RNF126: variants seen among roughly 807,000 people sequenced by gnomAD.
RNF126 encodes E3 ubiquitin-protein ligase RNF126.
Under a neutral mutation model 41.9 loss-of-function variants are expected in RNF126, and 20 were observed. That is an observed-to-expected ratio of 0.48 (90% confidence interval 0.34 to 0.69). The LOEUF (loss-of-function observed/expected upper bound fraction) is 0.69. RNF126 is among the 30% of genes least tolerant of loss of function. The probability of loss-of-function intolerance (pLI) is 0.01; values close to 1 mark genes in which losing one functional copy is unlikely to be tolerated. For missense variants in RNF126, 433 were observed against 460.6 expected, an observed-to-expected ratio of 0.94 and a Z score of 0.55; for synonymous variants, 239 against 202.9, an observed-to-expected ratio of 1.18 and a Z score of -1.51.
intron 1 of RNF126, among the ~76,000 whole-genome samples, chr19:654,140 C>G (rs1343096836): frequency 6.6e-6 from 1 of 152,260 alleles, no homozygotes; most frequent in East Asian, 1.9e-4. Context: ...CACGCCGTGC[C>G]TGCCTCACCT....
Position 648,115 on chromosome 19 carries a change from G to T in RNF126, c.*13C>A. Reference sequence around the variant, plus strand: ...GGGAAAGGCCCCGTGCTTTCCCGACGGCCGACGTGGGCTCACGAGTTGCTT... The same window carrying T: ...GGGAAAGGCCCCGTGCTTTCCCGACTGCCGACGTGGGCTCACGAGTTGCTT... On this transcript the variant is annotated 3_prime_UTR_variant, in exon 9 of 9. Transcript: ENST00000292363. The T allele has an allele frequency of 1.3e-6, 2 of 1,558,072 alleles. No individual in the cohort carries two copies. The highest frequency in any genetic ancestry group is 8.7e-7 in the Non-Finnish European group (1 of 1,147,308).
chr19:652,942 C>T, intron 1 of RNF126, 58 bp from the exon 2 acceptor site: 2 of 1,533,374 alleles, frequency 1.3e-6, no homozygotes, highest in African/African-American at 1.4e-5. Flanking sequence ...TGCAAACCCC[C>T]CCAAGTGTGA....
chr19:659,113 G>A lies in RNF126; in HGVS notation c.75+3934C>T, dbSNP rs1261893424. On this transcript the variant is annotated intron_variant, in intron 1 of 8. Transcript: ENST00000292363. This position sits in a 1 kb window ranked among gnomAD's most constrained non-coding sequence, Gnocchi z 4.9. ...TGTGCAGAGCCGCTCCAGGGTGCTG[G>A]CCGGACGCTTGAGAGGCAGGGGCAG... is the stretch of plus-strand genomic sequence containing the variant. Among the ~76,000 whole-genome samples the A allele has an allele frequency of 1.3e-5, 2 of 152,200 alleles. No homozygotes were observed. Among genetic ancestry groups the A allele is most frequent in the Non-Finnish European group, 2.9e-5 (2 of 68,030 alleles).
rs762825104 is a variant in RNF126 at position 649,671 on chromosome 19, C to G, written c.576+8G>C. 6.4e-7 allele frequency: 1 copy of G among 1,558,992 alleles called. No homozygotes were observed. The highest frequency in any genetic ancestry group is 8.7e-7 in the Non-Finnish European group (1 of 1,150,454). The stretch of plus-strand genomic sequence containing the variant: ...CAGCAGGCACTCTGGGCCGTGGCCA[C>G]GCTGTACCTGTGTGATGATGGCATC... On this transcript the variant is annotated splice_region_variant and intron_variant, in intron 6 of 8. Transcript: ENST00000292363.
chr19:658,166 TA>T (rs1269408512), intron 1 of RNF126, among the ~76,000 whole-genome samples: 1 of 151,836 alleles, frequency 6.6e-6, no homozygotes, highest in Non-Finnish European at 1.5e-5. Flanking sequence ...GCAGCCAGGG[TA>T]GGGGGGACCC....
At chr19:657,480 G>A (rs894053662) in intron 1 of RNF126, among the ~76,000 whole-genome samples, 3 of 152,212 alleles carry the variant, frequency 2.0e-5, no homozygotes, top group African/African-American at 4.8e-5. Flanking sequence ...CGCAGCGGCC[G>A]TGGGGCCTGG....
Position 663,067 on chromosome 19 carries a change from C to A in RNF126, c.55G>T (p.Glu19Ter). The change falls in exon 1 of 9, where the codon GAG (glutamate) becomes TAG (stop). Residue 19 changes from glutamate to a stop codon, truncating the protein, a stop_gained. Transcript: ENST00000292363. LOFTEE classifies it high-confidence loss of function. ...GRYFCHCCSV[E>*]IVPRLPDYIC... The stretch of plus-strand genomic sequence containing the variant: ...CTCACCGGCAGGCGCGGGACGATCT[C>A]CACGGAGCAGCAGTGGCAGAAGTAC... The A allele has an allele frequency of 7.2e-7, 1 of 1,382,468 alleles. No homozygotes were observed. Among genetic ancestry groups the A allele is most frequent in the Non-Finnish European group, 9.4e-7 (1 of 1,063,166 alleles). The allele number at this position is 1,382,468 out of a possible 1,614,324, so 85.6% of individuals were successfully genotyped here. A position where few individuals can be genotyped will look rare whatever the true frequency, so the allele number is the denominator to read the frequency against.
rs2030066612 is a variant in RNF126, at chr19:648,295, C to A, written c.787-18G>T. 6.5e-6 allele frequency: 9 copies of A among 1,384,210 alleles called. No individual in the cohort carries two copies. In the East Asian group the frequency reaches 1.1e-4, roughly 17 times the overall value. 85.7% of individuals were successfully genotyped at this position (1,384,210 alleles called of 1,614,324 possible). On this transcript the variant is annotated intron_variant, in intron 8 of 8. Transcript: ENST00000292363. The stretch of plus-strand genomic sequence containing the variant: ...CTGTCGTGCTTTGTGGGGACAGAGG[C>A]AGGGACGGGAGAAGGGGCAGGTTAG...
At chr19:658,787 T>C (rs1227994653) in intron 1 of RNF126, among the ~76,000 whole-genome samples, 3 of 152,134 alleles carry the variant, frequency 2.0e-5, no homozygotes, top group Non-Finnish European at 4.4e-5. Context: ...GAACTCTGCC[T>C]TCTTCTTCCC....
Position 648,242 on chromosome 19 carries a change from C to T in RNF126, c.822G>A (p.Thr274=), listed in dbSNP as rs199674967. 83 of 1,589,726 alleles carry T rather than the reference C, an allele frequency of 5.2e-5. No individual in the cohort carries two copies. The highest frequency in any genetic ancestry group is 1.6e-4 in the East Asian group (7 of 43,534). The change falls in exon 9 of 9, where the codon ACG becomes ACA. Residue 274 remains threonine, a synonymous_variant. Coordinates refer to ENST00000292363, the MANE Select transcript of RNF126 (RefSeq NM_194460.3). ...DSCPVCRKSL[T]GQNTATNPPG... is the part of the protein sequence containing the mutation. ...GGGGGTTCGTGGCCGTGTTCTGTCC[C>T]GTGAGGCTTTTTCGGCAGACGGGGC...
rs561866917 is a variant in RNF126 at position 652,749 on chromosome 19, G to A, written c.134+77C>T. ...CGGCCCCACACTCGGCGGGGCGGAC[G>A]CCAGCACAGCCCACACCCCTACAAC... On this transcript the variant is annotated intron_variant, in intron 2 of 8. Coordinates refer to ENST00000292363, the MANE Select transcript of RNF126 (RefSeq NM_194460.3). 708 of 1,383,516 alleles carry A rather than the reference G, an allele frequency of 5.1e-4. 1 individual carries two copies. Among genetic ancestry groups the A allele is most frequent in the Middle Eastern group, 1.1e-3 (6 of 5,582 alleles). 85.7% of individuals were successfully genotyped at this position (1,383,516 alleles called of 1,614,324 possible).
chr19:653,421 G>C (rs578111986), intron 1 of RNF126, among the ~76,000 whole-genome samples: 2 of 152,218 alleles, frequency 1.3e-5, no homozygotes, highest in Non-Finnish European at 2.9e-5. Context: ...CAGAGGAGAC[G>C]TGAGGACCCT....
chr19:652,745 G>T, intron 2 of RNF126, 81 bp downstream of exon 2: 1 of 1,344,000 alleles, frequency 7.4e-7, no homozygotes, highest in East Asian at 2.3e-5. Flanking sequence ...TCGGCGGGGC[G>T]GACGCCAGCA....
rs759602879 is a variant in RNF126 at position 651,638 on chromosome 19, C to T, written c.416G>A (p.Arg139Gln). 232 of 1,480,540 alleles carry T rather than the reference C, an allele frequency of 1.6e-4. No homozygotes were observed. Among genetic ancestry groups the T allele is most frequent in the East Asian group, 3.5e-4 (14 of 39,506 alleles). 91.7% of individuals were successfully genotyped at this position (1,480,540 alleles called of 1,614,324 possible). ...TTCCAGCGTGGGGACGCCTTCGTGC[C>T]GGCCGGTGGCCCGCCGCGTGGTGAG... ...ARLTTRRATGRHEGVPTLEGI... is the reference protein window; with the variant it reads ...ARLTTRRATGQHEGVPTLEGI... The change falls in exon 4 of 9, where the codon CGG becomes CAG. Residue 139 changes from arginine (R) to glutamine (Q), a missense_variant. Physicochemically the swap from Arg to Gln is conservative, Grantham distance 43. Coordinates refer to ENST00000292363, the MANE Select transcript of RNF126 (RefSeq NM_194460.3).
intron 6 of RNF126, 136 bp downstream of exon 6, chr19:649,543 G>C: frequency 1.5e-6 from 1 of 677,162 alleles, no homozygotes; most frequent in South Asian, 1.9e-5. Flanking sequence ...CCCTGTGCCC[G>C]CCAGAGCGTG....
intron 6 of RNF126, 183 bp from the exon 7 acceptor site, chr19:649,158 C>T: frequency 2.9e-6 from 1 of 347,042 alleles, no homozygotes; most frequent in Non-Finnish European, 5.2e-6. Flanking sequence ...GCTCCTGGGT[C>T]CCCTGACGGT....
At chr19:662,496 C>T (rs2030848059) in intron 1 of RNF126, among the ~76,000 whole-genome samples, 1 of 152,160 alleles carries the variant, frequency 6.6e-6, no homozygotes, top group South Asian at 2.1e-4. Flanking sequence ...CGTTCCGGGC[C>T]TGGGCCTGCC....
chr19:655,205 G>A (rs976375306), intron 1 of RNF126, among the ~76,000 whole-genome samples: 7 of 151,930 alleles, frequency 4.6e-5, no homozygotes, highest in Non-Finnish European at 1.0e-4. Flanking sequence ...ACTAAGGAGG[G>A]GGAGGAGACA....
intron 1 of RNF126, among the ~76,000 whole-genome samples, 199 bp downstream of exon 1, chr19:662,848 T>C (rs1288364935): frequency 1.3e-5 from 2 of 151,822 alleles, no homozygotes; most frequent in East Asian, 1.9e-4. Context: ...GTCTCCCGCA[T>C]GTACAGGACG....
Sources: allele counts gnomAD v4.1 joint callset (sites outside exome capture counted in the v4.1 genomes callset), GRCh38; gene constraint gnomAD v4.1.1; non-coding constraint Gnocchi (gnomAD v3.1); transcripts MANE v1.5; gene names NCBI Gene and HGNC (gene_info 2026-07-23, HGNC 2026-07-21).